FAT2: variants seen among roughly 807,000 people sequenced by gnomAD.
FAT2 encodes the protein protocadherin Fat 2.
A neutral mutation model predicts 295.3 loss-of-function variants in FAT2; 150 were observed. The ratio of observed to expected loss-of-function variants is 0.51; its 90% CI spans 0.44 to 0.58. The LOEUF is 0.58. FAT2 is among the 20% of genes least tolerant of loss of function. The pLI, the probability that FAT2 is intolerant of heterozygous loss-of-function variation, is 0.00. For missense variants in FAT2, 4,868 were observed against 5,442.7 expected, an observed-to-expected ratio of 0.89 and a Z score of 3.32; for synonymous variants, 2,026 against 2,150.3, an observed-to-expected ratio of 0.94 and a Z score of 1.60.
Position 151,505,505 on chromosome 5 carries a change from GAAGA to G in FAT2, c.*56_*59del. On this transcript the variant is annotated 3_prime_UTR_variant, in exon 24 of 24. Coordinates refer to ENST00000261800, the MANE Select transcript of FAT2 (RefSeq NM_001447.3). ...ACTCAACTCACCCCCTACGAGACAG[GAAGA>G]AATAAGCCAAGTCCAGTCCTTGGCC... The G allele has an allele frequency of 3.7e-6, 6 of 1,600,182 alleles. No individual in the cohort carries two copies. The highest frequency in any genetic ancestry group is 5.1e-6 in the Non-Finnish European group (6 of 1,172,854).
chr5:151,575,780 G>C (rs545044441), intron 1 of FAT2, among the ~76,000 whole-genome samples: 1 of 152,320 alleles, frequency 6.6e-6, no homozygotes, highest in African/African-American at 2.4e-5. Context: ...GTTCACTCTA[G>C]AGCTGCGCTT....
intron 10 of FAT2, 86 bp from the exon 11 acceptor site, chr5:151,540,849 T>C: frequency 8.2e-7 from 1 of 1,213,146 alleles, no homozygotes; most frequent in Non-Finnish European, 1.1e-6. Context: ...ATTGGATGCA[T>C]TTTTTAGAAT....
rs2127614234 is a variant in FAT2, at chr5:151,546,175, T to C, written c.4952A>G (p.Tyr1651Cys). Reference sequence around the variant, plus strand: ...GATGGGGGCACTCCTATCTGAGGGATAGACATGAATGATCACTGTAGCCAG... The same window carrying C: ...GATGGGGGCACTCCTATCTGAGGGACAGACATGAATGATCACTGTAGCCAG... Reference protein sequence around the residue: ...HDLATVIIHVYPSDRSAPIFS... With the variant: ...HDLATVIIHVCPSDRSAPIFS... Residue 1651 changes from tyrosine (Y) to cysteine (C), a missense_variant, in exon 10 of 24, where the codon TAT becomes TGT. This residue lies in a region of FAT2 where 3,297 missense variants were observed against 3,669.4 expected (regional missense o/e 0.90). Coordinates refer to ENST00000261800, the MANE Select transcript of FAT2 (RefSeq NM_001447.3). The C allele has an allele frequency of 6.2e-7, 1 of 1,614,176 alleles. No homozygotes were observed. Among genetic ancestry groups the C allele is most frequent in the Non-Finnish European group, 8.5e-7 (1 of 1,180,028 alleles).
intron 20 of FAT2, among the ~76,000 whole-genome samples, chr5:151,515,341 A>G (rs1752746412): frequency 1.3e-5 from 2 of 151,824 alleles, no homozygotes; most frequent in African/African-American, 4.8e-5. Context: ...TCCTTGGCCT[A>G]CTCTCTCTTC....
At chr5:151,588,411 A>G (rs973793491) in intron 1 of FAT2, among the ~76,000 whole-genome samples, 1 of 152,232 alleles carries the variant, frequency 6.6e-6, no homozygotes, top group Non-Finnish European at 1.5e-5. Context: ...ACCTTAGTCA[A>G]GTTACCAGAC....
At chr5:151,537,348 GAAAA>G (rs751635122) in intron 12 of FAT2, among the ~76,000 whole-genome samples, 41 of 50,566 alleles carry the variant, frequency 8.1e-4, no homozygotes, top group South Asian at 4.6e-3. Context: ...GAAAAGAAAA[GAAAA>G]AAGAAGGAAG....
Position 151,537,232 on chromosome 5 carries a change from GGAAGAA to G in FAT2, c.9193+555_9193+560del, listed in dbSNP as rs201731840. Among the ~76,000 whole-genome samples, 1,298 of 150,872 alleles carry G rather than the reference GGAAGAA, an allele frequency of 8.6e-3. 21 individuals carry two copies. Among genetic ancestry groups the G allele is most frequent in the African/African-American group, 0.029 (1,203 of 41,176 alleles). On this transcript the variant is annotated intron_variant, in intron 12 of 23. Coordinates refer to ENST00000261800, the MANE Select transcript of FAT2 (RefSeq NM_001447.3). The stretch of plus-strand genomic sequence containing the variant: ...AAGAGGAAGAAGAAGAGGAGGAGGA[GGAAGAA>G]GAAGAAAAAGGAGAATAATAAGAAG...
intron 19 of FAT2, 22 bp from the exon 20 acceptor site, chr5:151,517,787 T>C: frequency 1.9e-6 from 3 of 1,613,542 alleles, no homozygotes; most frequent in Non-Finnish European, 2.5e-6. Context: ...ACCAAAGCTG[T>C]CACCTCTACT....
chr5:151,570,301 C>T lies in FAT2; in HGVS notation c.-20-1350G>A, dbSNP rs182044875. Among the ~76,000 whole-genome samples, 101 of 152,296 alleles carry T rather than the reference C, an allele frequency of 6.6e-4. 2 individuals are homozygous for T. The highest frequency in any genetic ancestry group is 2.3e-3 in the African/African-American group (95 of 41,552). ...AACCTGGAACATGAAAACTCCCAGG[C>T]TCCTGGAATGTCTGAGTTGAAATGG... On this transcript the variant is annotated intron_variant, in intron 1 of 23. Coordinates refer to ENST00000261800, the MANE Select transcript of FAT2 (RefSeq NM_001447.3).
At chr5:151,513,722 CA>C (rs1211208029) in intron 20 of FAT2, among the ~76,000 whole-genome samples, 2 of 152,040 alleles carry the variant, frequency 1.3e-5, no homozygotes, top group Non-Finnish European at 2.9e-5. Flanking sequence ...AACAAACCTG[CA>C]TATGTACCCC....
chr5:151,572,687 TAG>T (rs1561882131), intron 1 of FAT2, among the ~76,000 whole-genome samples: 2 of 152,220 alleles, frequency 1.3e-5, no homozygotes, highest in African/African-American at 2.4e-5. Flanking sequence ...GCCTGGTATG[TAG>T]ACAAAACTCA....
chr5:151,584,981 AAC>A (rs1759115339), intron 1 of FAT2, among the ~76,000 whole-genome samples: 1 of 152,218 alleles, frequency 6.6e-6, no homozygotes, highest in African/African-American at 2.4e-5. Flanking sequence ...TTTTTTAAAA[AAC>A]AGCCCCAGAC....
At position 151,544,428 on chromosome 5, in the gene FAT2, A is replaced by G; in HGVS notation, c.6699T>C (p.Tyr2233=). ...GVLTVTGPLD[Y]ESKTKHVFTV... is the part of the protein sequence containing the mutation. ...TGAACACATGTTTGGTCTTGGACTC[A>G]TAGTCCAAAGGCCCTGTTACTGTTA... The change falls in exon 10 of 24, where the codon TAT becomes TAC. Residue 2233 remains tyrosine (Y), a synonymous_variant. Transcript: ENST00000261800. 2 of 1,614,086 alleles carry G rather than the reference A, an allele frequency of 1.2e-6. No homozygotes were observed. Among genetic ancestry groups the G allele is most frequent in the South Asian group, 1.1e-5 (1 of 91,082 alleles).
upstream of FAT2, among the ~76,000 whole-genome samples, chr5:151,591,353 G>A (rs1261671349): frequency 1.3e-5 from 2 of 152,202 alleles, no homozygotes; most frequent in African/African-American, 4.8e-5. Context: ...GGAGGAGGAG[G>A]AGGAAAAAGG....
At position 151,534,970 on chromosome 5, in the gene FAT2, A is replaced by AATATATATATAT. The variant is rs138459865; in HGVS notation, c.9194-340_9194-329dup. On this transcript the variant is annotated intron_variant, in intron 12 of 23. Coordinates refer to ENST00000261800, the MANE Select transcript of FAT2 (RefSeq NM_001447.3). ...TGGTTCGTAATTCCACTTCTAGGAA[A>AATATATATATAT]ATATATATATATATATATATATATA... Among the ~76,000 whole-genome samples the AATATATATATAT allele has an allele frequency of 9.8e-3, 1,039 of 106,342 alleles. 28 individuals are homozygous for AATATATATATAT. The highest frequency in any genetic ancestry group is 0.022 in the African/African-American group (712 of 33,054). 69.8% of individuals were successfully genotyped at this position (106,342 alleles called of 152,430 possible).
intron 2 of FAT2, 26 bp downstream of exon 2, chr5:151,565,647 A>AGGCCCCCCCC: frequency 6.8e-7 from 1 of 1,461,026 alleles, no homozygotes; most frequent in Non-Finnish European, 9.3e-7. Flanking sequence ...TGGCCCTGGC[A>AGGCCCCCCCC]CCCCACCCTA....
At chr5:151,583,773 G>T (rs1034044695) in intron 1 of FAT2, among the ~76,000 whole-genome samples, 2 of 152,100 alleles carry the variant, frequency 1.3e-5, no homozygotes, top group Admixed American at 1.3e-4. Flanking sequence ...CGAGTTGGGT[G>T]GATCACTTGA....
rs2127607586 is a variant in FAT2 at position 151,543,437 on chromosome 5, C to T, written c.7690G>A (p.Gly2564Arg). The T allele has an allele frequency of 1.2e-6, 2 of 1,614,130 alleles. No homozygotes were observed. Among genetic ancestry groups the T allele is most frequent in the South Asian group, 1.1e-5 (1 of 91,078 alleles). ...TTCACCGTGCAGAAGGCTACTCTTC[C>T]TCCTCCATCCCGAGCCATGACCTTA... Reference protein sequence around the residue: ...AIKVMARDGGGRVAFCTVKII... With the variant: ...AIKVMARDGGRRVAFCTVKII... Residue 2564 changes from glycine (G) to arginine (R), a missense_variant, in exon 10 of 24, where the codon GGA (glycine) becomes AGA (arginine). Coordinates refer to ENST00000261800, the MANE Select transcript of FAT2 (RefSeq NM_001447.3).
At chr5:151,565,534 G>A in intron 2 of FAT2, 139 bp downstream of exon 2, 1 of 822,882 alleles carries the variant, frequency 1.2e-6, no homozygotes, top group South Asian at 2.1e-5. Context: ...AAATACACAG[G>A]AAAAAGAATC....
Sources: allele counts gnomAD v4.1 joint callset (sites outside exome capture counted in the v4.1 genomes callset), GRCh38; gene constraint gnomAD v4.1.1; regional missense constraint gnomAD v4.1.1; transcripts MANE v1.5; gene names NCBI Gene and HGNC (gene_info 2026-07-23, HGNC 2026-07-21).